GSE1: variants seen among roughly 807,000 people sequenced by gnomAD.
GSE1 encodes the protein Gse1 coiled-coil protein, also known as genetic suppressor element 1.
Under a neutral mutation model 112.6 loss-of-function variants are expected in GSE1, and 32 were observed. That is an observed-to-expected ratio of 0.28 (90% CI 0.21 to 0.38). The LOEUF is 0.38. Among genes scored for constraint, GSE1 ranks in the 10% least tolerant of loss-of-function variants. The probability of loss-of-function intolerance (pLI) is 1.00; values close to 1 mark genes in which losing one functional copy is unlikely to be tolerated. For synonymous variants in GSE1, 1,115 were observed against 735.6 expected (o/e 1.52, Z -8.35); for missense variants, 2,348 against 1,699.2 (o/e 1.38, Z -6.71).
chr16:85,474,407 G>A (rs2050388183), intron 2 of GSE1, among the ~76,000 whole-genome samples: 1 of 152,160 alleles, frequency 6.6e-6, no homozygotes, highest in Non-Finnish European at 1.5e-5. Context: ...ACAGCTGGAG[G>A]TGCACGGAGG....
chr16:85,512,180 G>A (rs1386508967), intron 2 of GSE1, among the ~76,000 whole-genome samples: 1 of 152,224 alleles, frequency 6.6e-6, no homozygotes, highest in Admixed American at 6.5e-5. Context: ...CTGGCTGTGA[G>A]GCAGGGGTGT....
Position 85,331,645 on chromosome 16 carries a change from A to G in GSE1, c.2284-25818A>G, listed in dbSNP as rs112373078. On this transcript the variant is annotated intron_variant, in intron 1 of 2. Transcript: ENST00000637419. The stretch of plus-strand genomic sequence containing the variant: ...TGTATATATGTGTATATATGTGTGT[A>G]TATATATATGTGTATATGTGTGTGT... Among the ~76,000 whole-genome samples the G allele has an allele frequency of 2.1e-3, 175 of 85,014 alleles. 7 individuals are homozygous for G. The East Asian group carries it at 0.066, about 32-fold the overall frequency. 55.8% of individuals were successfully genotyped at this position (85,014 alleles called of 152,430 possible). A position where few individuals can be genotyped will look rare whatever the true frequency, so the allele number is the denominator to read the frequency against.
chr16:85,463,360 C>G (rs1471045228), intron 2 of GSE1, among the ~76,000 whole-genome samples: 2 of 152,208 alleles, frequency 1.3e-5, no homozygotes, highest in Non-Finnish European at 2.9e-5. Flanking sequence ...TTGACCCCCG[C>G]GGTCTGGCTG....
chr16:85,178,168 T>G (rs573158610), intron 1 of GSE1, among the ~76,000 whole-genome samples: 3 of 152,238 alleles, frequency 2.0e-5, no homozygotes, highest in South Asian at 4.1e-4. Context: ...GCTGAGAGCC[T>G]ATGGCAGGGT....
chr16:85,503,842 T>A (rs1046935422), intron 2 of GSE1, among the ~76,000 whole-genome samples: 2 of 152,074 alleles, frequency 1.3e-5, no homozygotes, highest in African/African-American at 4.8e-5. Flanking sequence ...CGTGAACCCA[T>A]TAGCTGCAGG....
rs747406994 is a variant in GSE1, at chr16:85,661,592, C to T, written c.2087C>T (p.Ala696Val). Residue 696 changes from alanine to valine, a missense_variant, in exon 9 of 16, where the codon GCG (alanine) becomes GTG (valine). Coordinates refer to ENST00000253458, the MANE Select transcript of GSE1 (RefSeq NM_014615.5). ...LGQQRASLPQ[A>V]ATFGELSGPL... is the part of the protein sequence containing the mutation. Reference sequence around the variant, plus strand: ...CAGCAGCGGGCCTCCCTCCCACAGGCGGCCACCTTCGGGGAGCTCAGCGGA... The same window carrying T: ...CAGCAGCGGGCCTCCCTCCCACAGGTGGCCACCTTCGGGGAGCTCAGCGGA... The T allele has an allele frequency of 3.9e-5, 63 of 1,609,742 alleles. No individual in the cohort carries two copies. The highest frequency in any genetic ancestry group is 3.3e-4 in the Middle Eastern group (2 of 6,064).
At chr16:85,262,424 C>T (rs1443790016) in intron 1 of GSE1, among the ~76,000 whole-genome samples, 1 of 152,200 alleles carries the variant, frequency 6.6e-6, no homozygotes, top group East Asian at 1.9e-4. Flanking sequence ...TGTGTCTTTG[C>T]ACCGGGGGGC....
At chr16:85,192,444 C>T (rs1489459787) in intron 1 of GSE1, among the ~76,000 whole-genome samples, 3 of 152,244 alleles carry the variant, frequency 2.0e-5, no homozygotes, top group East Asian at 1.9e-4. Flanking sequence ...TATGGCCTCA[C>T]GTGGCTCAGC....
At chr16:85,653,490 C>G (rs1001532194) in intron 3 of GSE1, among the ~76,000 whole-genome samples, 14 of 151,062 alleles carry the variant, frequency 9.3e-5, no homozygotes, top group African/African-American at 3.2e-4. Context: ...CTTTGGGCCA[C>G]TGCCTCCTCC....
intron 1 of GSE1, among the ~76,000 whole-genome samples, chr16:85,624,898 G>GCTGTGTGGCCCCAGCGGC (rs1207315757): frequency 5.9e-4 from 90 of 152,338 alleles, no homozygotes; most frequent in African/African-American, 2.1e-3. Flanking sequence ...TCTCAGCTGA[G>GCTGTGTGGCCCCAGCGGC]CTGTGTGGCC....
At chr16:85,215,632 C>T (rs1023340858) in intron 1 of GSE1, among the ~76,000 whole-genome samples, 4 of 152,196 alleles carry the variant, frequency 2.6e-5, no homozygotes, top group African/African-American at 9.7e-5. Context: ...AGAGAAGTGC[C>T]TGACACGCGG....
At chr16:85,304,404 G>C (rs1007842248) in intron 1 of GSE1, among the ~76,000 whole-genome samples, 2 of 152,222 alleles carry the variant, frequency 1.3e-5, no homozygotes, top group Admixed American at 6.5e-5. Flanking sequence ...TGCATTCTGT[G>C]GGGGCTGGGC....
Position 85,672,202 on chromosome 16 carries a change from C to CCAGGCTGGT in GSE1, c.3520-201_3520-193dup, listed in dbSNP as rs1478856508. Reference sequence around the variant, plus strand: ...AGTAGATGGGGTTTCCCCATGTTGGCCAGGCTGGTCTCGAACTCCTGACGA... The same window carrying CCAGGCTGGT: ...AGTAGATGGGGTTTCCCCATGTTGGCCAGGCTGGTCAGGCTGGTCTCGAACTCCTGACGA... On this transcript the variant is annotated intron_variant, in intron 15 of 15. Transcript: ENST00000253458. The CCAGGCTGGT allele has an allele frequency of 3.8e-5, 22 of 579,170 alleles. 1 individual carries two copies. The highest frequency in any genetic ancestry group is 4.7e-4 in the Middle Eastern group (1 of 2,134). The allele number at this position is 579,170 out of a possible 1,614,324, so 35.9% of individuals were successfully genotyped here.
chr16:85,424,469 G>A (rs2048921263), intron 2 of GSE1, among the ~76,000 whole-genome samples: 1 of 152,148 alleles, frequency 6.6e-6, no homozygotes, highest in African/African-American at 2.4e-5. Context: ...GGCTGGACAC[G>A]TGGGGACAAG....
intron 1 of GSE1, among the ~76,000 whole-genome samples, chr16:85,353,306 C>A (rs565195799): frequency 6.6e-6 from 1 of 152,338 alleles, no homozygotes; most frequent in African/African-American, 2.4e-5. Flanking sequence ...CTGCTACGCA[C>A]CTTCCTATAC....
intron 2 of GSE1, among the ~76,000 whole-genome samples, chr16:85,472,612 G>A (rs977281299): frequency 1.1e-4 from 16 of 152,198 alleles, no homozygotes; most frequent in African/African-American, 3.9e-4. Flanking sequence ...GCGCAGCCCG[G>A]CACAGCTCCA....
intron 1 of GSE1, among the ~76,000 whole-genome samples, chr16:85,282,503 G>A (rs1200887370): frequency 6.6e-6 from 1 of 152,200 alleles, no homozygotes; most frequent in Non-Finnish European, 1.5e-5. Context: ...ACCGAACCCG[G>A]TGAGGGCTGG....
intron 1 of GSE1, among the ~76,000 whole-genome samples, chr16:85,324,591 A>G (rs891373645): frequency 1.3e-5 from 2 of 152,114 alleles, no homozygotes; most frequent in African/African-American, 2.4e-5. Context: ...CAGCAGCATT[A>G]TTTGTAATAG....
At chr16:85,230,892 T>G (rs1597855108) in intron 1 of GSE1, among the ~76,000 whole-genome samples, 1 of 143,692 alleles carries the variant, frequency 7.0e-6, no homozygotes, top group Non-Finnish European at 1.5e-5. Flanking sequence ...GAGGGATGGG[T>G]GGAAGGATGG....
Sources: allele counts gnomAD v4.1 joint callset (sites outside exome capture counted in the v4.1 genomes callset), GRCh38; gene constraint gnomAD v4.1.1; transcripts MANE v1.5; gene names NCBI Gene and HGNC (gene_info 2026-07-23, HGNC 2026-07-21).